ATOSA: variants seen among roughly 807,000 people sequenced by gnomAD.
ATOSA encodes the protein atos homolog protein A.
chr15:52,611,065 G>C, the ATOSA span: 1 of 1,499,354 alleles, frequency 6.7e-7, no homozygotes, highest in Non-Finnish European at 8.9e-7. Flanking sequence ...AAGGTAAAAT[G>C]CCATTCGGTT....
At chr15:52,671,896 G>A in the ATOSA span, among the ~76,000 whole-genome samples, 2 of 151,554 alleles carry the variant, frequency 1.3e-5, no homozygotes, top group African/African-American at 2.4e-5. Flanking sequence ...ACAAGGGGAA[G>A]AGATGAGTAT....
chr15:52,586,380 C>T, the ATOSA span: 2 of 152,090 alleles, frequency 1.3e-5, no homozygotes, highest in African/African-American at 4.8e-5. Flanking sequence ...AGTGATCTGA[C>T]AAAGTACTGA....
At chr15:52,599,347 T>G in the ATOSA span, among the ~76,000 whole-genome samples, 7 of 152,192 alleles carry the variant, frequency 4.6e-5, no homozygotes, top group Admixed American at 1.3e-4. Context: ...TACCTTGGAA[T>G]TGACATGGAA....
chr15:52,590,253 C>T, the ATOSA span, among the ~76,000 whole-genome samples: 11 of 152,174 alleles, frequency 7.2e-5, no homozygotes, highest in Admixed American at 4.6e-4. Context: ...GGAAATCATA[C>T]GTGGCCCTAA....
the ATOSA span, chr15:52,656,338 T>C: frequency 5.3e-5 from 8 of 152,144 alleles, no homozygotes; most frequent in African/African-American, 1.9e-4. Context: ...ATACATTATA[T>C]TGACTTCCAC....
At chr15:52,645,667 T>C in the ATOSA span, among the ~76,000 whole-genome samples, 1 of 152,166 alleles carries the variant, frequency 6.6e-6, no homozygotes, top group East Asian at 1.9e-4. Context: ...CTATTCAATT[T>C]CATTTCTCTG....
chr15:52,620,670 C>T, the ATOSA span, among the ~76,000 whole-genome samples: 1 of 152,208 alleles, frequency 6.6e-6, no homozygotes. Context: ...AATGTCCAGC[C>T]AGGTGCAGTG....
At chr15:52,662,736 C>A in the ATOSA span, among the ~76,000 whole-genome samples, 1 of 146,024 alleles carries the variant, frequency 6.8e-6, no homozygotes, top group African/African-American at 2.6e-5. Flanking sequence ...AGCCACTGCA[C>A]TCCAGCCTGA....
At chr15:52,661,987 T>A in the ATOSA span, among the ~76,000 whole-genome samples, 3 of 149,882 alleles carry the variant, frequency 2.0e-5, no homozygotes, top group African/African-American at 7.4e-5. Context: ...GATCAAATCT[T>A]AGACCCAGAA....
the ATOSA span, among the ~76,000 whole-genome samples, chr15:52,663,161 C>T: frequency 4.6e-5 from 7 of 152,160 alleles, no homozygotes; most frequent in East Asian, 1.3e-3. Context: ...AACTCATTCC[C>T]TCTGATCAGA....
the ATOSA span, among the ~76,000 whole-genome samples, chr15:52,683,941 CCATACACT>C: frequency 6.6e-6 from 1 of 152,200 alleles, no homozygotes; most frequent in African/African-American, 2.4e-5. Flanking sequence ...CTTTTAGAAC[CCATACACT>C]CATACACACC....
the ATOSA span, among the ~76,000 whole-genome samples, chr15:52,597,436 A>G: frequency 1.3e-5 from 2 of 152,240 alleles, no homozygotes; most frequent in Non-Finnish European, 2.9e-5. Context: ...AACAGTAATA[A>G]AAACGAATGA....
the ATOSA span, among the ~76,000 whole-genome samples, chr15:52,643,782 G>A: frequency 2.0e-5 from 3 of 151,998 alleles, no homozygotes; most frequent in South Asian, 2.1e-4. Flanking sequence ...GTGTGGTGGC[G>A]TGTGCCTGTA....
At chr15:52,694,918 C>CTTTTTTTTTTTTTTT in the ATOSA span, among the ~76,000 whole-genome samples, 1 of 124,660 alleles carries the variant, frequency 8.0e-6, no homozygotes, top group African/African-American at 3.1e-5. Flanking sequence ...TTTTTTTTTT[C>CTTTTTTTTTTTTTTT]TGTTTTTTTT....
At chr15:52,708,933 C>T in the ATOSA span, among the ~76,000 whole-genome samples, 1 of 152,092 alleles carries the variant, frequency 6.6e-6, no homozygotes, top group Non-Finnish European at 1.5e-5. Context: ...AAATCACAAA[C>T]CCAAATGCCT....
At chr15:52,684,831 C>T in the ATOSA span, among the ~76,000 whole-genome samples, 14 of 152,126 alleles carry the variant, frequency 9.2e-5, 1 homozygote, top group Admixed American at 8.5e-4. Flanking sequence ...CCTGCCTTGG[C>T]CCCCCAAAGT....
At chr15:52,613,949 A>G in the ATOSA span, 2 of 972,706 alleles carry the variant, frequency 2.1e-6, no homozygotes, top group African/African-American at 1.6e-5. Flanking sequence ...GTCACATTAC[A>G]CATTATTCAT....
At chr15:52,679,520 G>A in the ATOSA span, 2 of 152,376 alleles carry the variant, frequency 1.3e-5, no homozygotes, top group Admixed American at 6.5e-5. Flanking sequence ...TTTGGGGCCG[G>A]GTTTTCGGTG....
At chr15:52,670,615 A>C in the ATOSA span, among the ~76,000 whole-genome samples, 2 of 152,194 alleles carry the variant, frequency 1.3e-5, no homozygotes, top group Admixed American at 1.3e-4. Context: ...TTATTAATCC[A>C]AGTGAATCTC....
Sources: gnomAD v4.1 joint callset for allele counts (sites outside exome capture counted in the v4.1 genomes callset) on GRCh38, gnomAD v4.1.1 for gene constraint, MANE v1.5 for transcripts, NCBI Gene and HGNC (gene_info 2026-07-23, HGNC 2026-07-21) for gene names.